The following FAM227B variants were observed in gnomAD, a reference collection of about 807,000 sequenced individuals.
FAM227B encodes family with sequence similarity 227 member B.
FAM227B carries 88 observed loss-of-function variants against 73.8 expected under a neutral mutation model. The observed-to-expected ratio is 1.19, with a 90% CI of 1.00 to 1.42. The LOEUF (loss-of-function observed/expected upper bound fraction) is 1.42, where lower values mean the gene tolerates loss of function less well. FAM227B is among the 40% of genes most tolerant of loss of function. The probability of loss-of-function intolerance (pLI) is 0.00; values close to 1 mark genes in which losing one functional copy is unlikely to be tolerated. For synonymous variants in FAM227B, 210 were observed against 190.5 expected (o/e 1.10, Z -0.84); for missense variants, 632 against 590.9 (o/e 1.07, Z -0.72).
intron 5 of FAM227B, among the ~76,000 whole-genome samples, chr15:49,579,043 A>T (rs1160147637): frequency 6.6e-6 from 1 of 152,206 alleles, no homozygotes; most frequent in Non-Finnish European, 1.5e-5. Flanking sequence ...AGACATATAA[A>T]TGGCCTACGA....
intron 3 of FAM227B, among the ~76,000 whole-genome samples, chr15:49,590,955 GT>G (rs1191009791): frequency 4.0e-5 from 6 of 149,058 alleles, no homozygotes; most frequent in Non-Finnish European, 7.4e-5. Context: ...ATAGCATCAT[GT>G]CCTCCAAGAT....
At chr15:49,348,132 G>A (rs900147971) in intron 13 of FAM227B, among the ~76,000 whole-genome samples, 1 of 151,912 alleles carries the variant, frequency 6.6e-6, no homozygotes, top group Admixed American at 6.6e-5. Context: ...CCCTGATAAG[G>A]CTGGATAAAC....
intron 11 of FAM227B, among the ~76,000 whole-genome samples, chr15:49,418,871 C>G (rs1476739932): frequency 1.3e-5 from 2 of 152,002 alleles, no homozygotes; most frequent in East Asian, 3.8e-4. Flanking sequence ...AAATATAAAT[C>G]AACCTAGCTT....
In FAM227B at chr15:49,367,000, CACATAAAAATAAATTTTTT is replaced by C. The variant is rs1253150742; in HGVS notation, c.1271+429_1271+447del. Among the ~76,000 whole-genome samples, 6 of 152,136 alleles carry C rather than the reference CACATAAAAATAAATTTTTT, an allele frequency of 3.9e-5. No individual in the cohort carries two copies. The South Asian group carries it at 1.0e-3, about 26-fold the overall frequency. On this transcript the variant is annotated intron_variant, in intron 13 of 15. Coordinates refer to ENST00000299338, the MANE Select transcript of FAM227B (RefSeq NM_152647.3). ...CGATTTTAATTTATTTTTTATTTTACACATAAAAATAAATTTTTTAATGTGTAAAAAATGTTCTGATAAA... is the reference window on the plus strand; with the variant it reads ...CGATTTTAATTTATTTTTTATTTTACAATGTGTAAAAAATGTTCTGATAAA...
chr15:49,472,554 T>C (rs1240414292), intron 11 of FAM227B, among the ~76,000 whole-genome samples: 1 of 152,210 alleles, frequency 6.6e-6, no homozygotes, highest in Non-Finnish European at 1.5e-5. Context: ...CTAAAAATTC[T>C]ATTGCTATGG....
At chr15:49,612,246 C>A (rs1268690490) in intron 2 of FAM227B, among the ~76,000 whole-genome samples, 2 of 152,060 alleles carry the variant, frequency 1.3e-5, no homozygotes, top group Non-Finnish European at 2.9e-5. Flanking sequence ...TCCCACCTGT[C>A]CCCACCCCAC....
intron 11 of FAM227B, among the ~76,000 whole-genome samples, chr15:49,372,139 T>TTTATAAATAAATGAAATAAAATTCAC (rs2045880817): frequency 6.3e-5 from 6 of 94,844 alleles, no homozygotes; most frequent in African/African-American, 2.8e-4. Flanking sequence ...ATAAAATTCA[T>TTTATAAATAAATGAAATAAAATTCAC]TTATAAATAA....
intron 10 of FAM227B, among the ~76,000 whole-genome samples, chr15:49,534,701 G>A (rs1458927728): frequency 6.6e-6 from 1 of 151,168 alleles, no homozygotes. Context: ...CATATGTTAG[G>A]CCACAAAAAA....
chr15:49,454,861 G>A lies in FAM227B; in HGVS notation c.1012+53350C>T, dbSNP rs1465469831. 2.6e-5 allele frequency among the ~76,000 whole-genome samples: 4 copies of A among 152,006 alleles called. No individual in the cohort carries two copies. In the South Asian group the frequency reaches 8.3e-4, roughly 32 times the overall value. Reference sequence around the variant, plus strand: ...CCTGACCTCGTGATCCGCTCGCCTCGGCCTCCCAAAGTGCTGGGATTACAG... The same window carrying A: ...CCTGACCTCGTGATCCGCTCGCCTCAGCCTCCCAAAGTGCTGGGATTACAG... On this transcript the variant is annotated intron_variant, in intron 11 of 15. Coordinates refer to ENST00000299338, the MANE Select transcript of FAM227B (RefSeq NM_152647.3).
intron 13 of FAM227B, among the ~76,000 whole-genome samples, chr15:49,352,634 G>C (rs2042416036): frequency 1.3e-5 from 2 of 152,116 alleles, no homozygotes; most frequent in African/African-American, 4.8e-5. Context: ...ACAATATTGA[G>C]AGTAAGCAAA....
At chr15:49,367,680 C>T in intron 12 of FAM227B, 72 bp from the exon 13 acceptor site, 1 of 1,331,724 alleles carries the variant, frequency 7.5e-7, no homozygotes, top group Non-Finnish European at 1.0e-6. Flanking sequence ...TAAAATATAA[C>T]TTCATATTTA....
At chr15:49,529,568 T>C (rs2060461744) in intron 10 of FAM227B, among the ~76,000 whole-genome samples, 1 of 151,692 alleles carries the variant, frequency 6.6e-6, no homozygotes, top group African/African-American at 2.4e-5. Flanking sequence ...TAGATGTACA[T>C]AGAGTTGCAA....
At chr15:49,365,047 A>G in intron 13 of FAM227B, 1 of 536,798 alleles carries the variant, frequency 1.9e-6, no homozygotes, top group Non-Finnish European at 3.4e-6. Context: ...CAGATTGTCA[A>G]TTCAAAAATC....
At chr15:49,513,790 G>T (rs1452955631) in intron 10 of FAM227B, among the ~76,000 whole-genome samples, 1 of 152,078 alleles carries the variant, frequency 6.6e-6, no homozygotes, top group African/African-American at 2.4e-5. Context: ...TATAAGGAAG[G>T]GGTCCAGTTT....
chr15:49,408,144 A>C (rs570989576), intron 11 of FAM227B, among the ~76,000 whole-genome samples: 1 of 152,220 alleles, frequency 6.6e-6, no homozygotes, highest in Non-Finnish European at 1.5e-5. Flanking sequence ...AAACATTTGA[A>C]GTTCTTATTT....
intron 9 of FAM227B, among the ~76,000 whole-genome samples, chr15:49,545,944 A>ATT (rs149465916): frequency 1.3e-4 from 16 of 125,102 alleles, no homozygotes; most frequent in African/African-American, 5.4e-4. Flanking sequence ...AGGAGTAGCT[A>ATT]TTTTTTTTTT....
chr15:49,509,835 T>A (rs2058853544), intron 10 of FAM227B, among the ~76,000 whole-genome samples: 1 of 152,122 alleles, frequency 6.6e-6, no homozygotes, highest in South Asian at 2.1e-4. Context: ...AAATGGCCCA[T>A]AAAATAAAGG....
intron 9 of FAM227B, among the ~76,000 whole-genome samples, chr15:49,563,790 C>T (rs777051381): frequency 1.3e-5 from 2 of 152,102 alleles, no homozygotes; most frequent in Non-Finnish European, 2.9e-5. Context: ...TAGCCATACG[C>T]TGAAGAACAA....
chr15:49,608,908 A>T (rs2153325502), intron 3 of FAM227B, among the ~76,000 whole-genome samples: 1 of 152,144 alleles, frequency 6.6e-6, no homozygotes, highest in Admixed American at 6.5e-5. Flanking sequence ...ATATGGAAGA[A>T]ATTGGAATCA....
Sources: allele counts gnomAD v4.1 joint callset (sites outside exome capture counted in the v4.1 genomes callset), GRCh38; gene constraint gnomAD v4.1.1; transcripts MANE v1.5; gene names NCBI Gene and HGNC (gene_info 2026-07-23, HGNC 2026-07-21).